PDE6B: variants seen among roughly 807,000 people sequenced by gnomAD.
PDE6B encodes the protein rod cGMP-specific 3',5'-cyclic phosphodiesterase subunit beta.
A neutral mutation model predicts 109.0 loss-of-function variants in PDE6B; 106 were observed. The ratio of observed to expected loss-of-function variants is 0.97; its 90% CI spans 0.83 to 1.14. The LOEUF (loss-of-function observed/expected upper bound fraction) is 1.14. PDE6B is among the 50% of genes most tolerant of loss of function. The pLI, the probability that PDE6B is intolerant of heterozygous loss-of-function variation, is 0.00. For missense variants in PDE6B, 1,193 were observed against 1,155.6 expected (o/e 1.03, Z -0.47); for synonymous variants, 490 against 471.3 (o/e 1.04, Z -0.51).
intron 10 of PDE6B, 40 bp from the exon 11 acceptor site, chr4:658,912 G>T: frequency 6.7e-7 from 1 of 1,497,122 alleles, no homozygotes. Flanking sequence ...TGTCCCACAT[G>T]CGAAGCTCTT....
chr4:625,664 A>G lies in PDE6B; in HGVS notation c.38A>G (p.Asp13Gly), dbSNP rs1734050687. The G allele has an allele frequency of 1.9e-6, 3 of 1,613,762 alleles. No homozygotes were observed. Among genetic ancestry groups the G allele is most frequent in the Non-Finnish European group, 2.5e-6 (3 of 1,179,952 alleles). Residue 13 changes from aspartate to glycine, a missense_variant, in exon 1 of 22, where the codon GAC (aspartate) becomes GGC (glycine). By Grantham distance (94) the Asp-to-Gly change is moderately conservative (BLOSUM62 -1). Coordinates refer to ENST00000496514, the MANE Select transcript of PDE6B (RefSeq NM_000283.4). The surrounding 1 kb of genome is among the most constrained non-coding windows in gnomAD (Gnocchi z 5.0). Reference protein sequence around the residue: ...LSEEQARSFLDQNPDFARQYF... With the variant: ...LSEEQARSFLGQNPDFARQYF... ...GAGGAGCAGGCCCGGAGCTTTCTGG[A>G]CCAGAACCCCGATTTTGCCCGCCAG...
chr4:663,606 C>A lies in PDE6B; in HGVS notation c.1921-164C>A, dbSNP rs1452489598. The A allele has an allele frequency of 1.5e-6, 1 of 666,736 alleles. No homozygotes were observed. The highest frequency in any genetic ancestry group is 2.7e-6 in the Non-Finnish European group (1 of 366,382). The allele number at this position is 666,736 out of a possible 1,614,324, so 41.3% of individuals were successfully genotyped here. On this transcript the variant is annotated intron_variant, in intron 15 of 21. Coordinates refer to ENST00000496514, the MANE Select transcript of PDE6B (RefSeq NM_000283.4). This position sits in a 1 kb window ranked among gnomAD's most constrained non-coding sequence, Gnocchi z 4.0. Reference sequence around the variant, plus strand: ...AGCCGCTGGTGGAGAGCTGGGCACCCTGAGGAGGGCCCTGAGCAGCAGGCG... The same window carrying A: ...AGCCGCTGGTGGAGAGCTGGGCACCATGAGGAGGGCCCTGAGCAGCAGGCG...
rs1737954788 is a variant in PDE6B at position 667,712 on chromosome 4, G to T, written c.2353-144G>T. On this transcript the variant is annotated intron_variant, in intron 20 of 21. Transcript: ENST00000496514. ...GAGGTTTCTCCCTTCACAGGGCTCT[G>T]CTGGGAAGGTGCCCCCTCCGTGGCG... 4.8e-6 allele frequency: 4 copies of T among 833,484 alleles called. No homozygotes were observed. In the Admixed American group the frequency reaches 7.0e-5, roughly 14 times the overall value. The allele number at this position is 833,484 out of a possible 1,614,324, so 51.6% of individuals were successfully genotyped here. A position where few individuals can be genotyped will look rare whatever the true frequency, so the allele number is the denominator to read the frequency against.
rs949552556 is a variant in PDE6B, at chr4:626,439, C to T, written c.468+345C>T. On this transcript the variant is annotated intron_variant, in intron 1 of 21. Coordinates refer to ENST00000496514, the MANE Select transcript of PDE6B (RefSeq NM_000283.4). This position sits in a 1 kb window ranked among gnomAD's most constrained non-coding sequence, Gnocchi z 4.6. The stretch of plus-strand genomic sequence containing the variant: ...GGGACCATGTAGTCCCTGTGAGGAC[C>T]CCTGGCTTCCAGGAAGACTGACCAG... Among the ~76,000 whole-genome samples, 5 of 152,172 alleles carry T rather than the reference C, an allele frequency of 3.3e-5. No homozygotes were observed. Among genetic ancestry groups the T allele is most frequent in the African/African-American group, 1.2e-4 (5 of 41,446 alleles).
chr4:625,892 C>T lies in PDE6B; in HGVS notation c.266C>T (p.Ala89Val), dbSNP rs1378894607. The T allele has an allele frequency of 1.2e-6, 2 of 1,604,062 alleles. No homozygotes were observed. Among genetic ancestry groups the T allele is most frequent in the South Asian group, 1.1e-5 (1 of 89,924 alleles). The change falls in exon 1 of 22, where the codon GCC becomes GTC. Residue 89 changes from alanine to valine, a missense_variant. Ala to Val is a moderately conservative substitution (Grantham distance 64). Coordinates refer to ENST00000496514, the MANE Select transcript of PDE6B (RefSeq NM_000283.4). This position sits in a 1 kb window ranked among gnomAD's most constrained non-coding sequence, Gnocchi z 5.0. ...CGGCGCCTCTGCACCCTCCTGCAGG[C>T]CGACCGCTGCAGCCTCTTCATGTAC... ...VLRRLCTLLQ[A>V]DRCSLFMYRQ...
intron 3 of PDE6B, 185 bp from the exon 4 acceptor site, chr4:653,667 A>T: frequency 1.4e-6 from 1 of 712,772 alleles, no homozygotes; most frequent in Non-Finnish European, 2.4e-6. Context: ...CCCGGGCCCC[A>T]CAAGCTCAGA....
chr4:627,760 A>G (rs1577236688), intron 1 of PDE6B, among the ~76,000 whole-genome samples: 1 of 150,146 alleles, frequency 6.7e-6, no homozygotes, highest in Non-Finnish European at 1.5e-5. Flanking sequence ...ACAATCCCCA[A>G]GACAACTTCT....
intron 8 of PDE6B, among the ~76,000 whole-genome samples, 188 bp downstream of exon 8, chr4:656,480 C>T (rs868645578): frequency 6.6e-6 from 1 of 152,052 alleles, no homozygotes. Flanking sequence ...GTGACCACAG[C>T]CCCCACACAC....
chr4:632,012 G>T (rs1002966980), intron 1 of PDE6B, among the ~76,000 whole-genome samples: 1 of 151,166 alleles, frequency 6.6e-6, no homozygotes, highest in East Asian at 2.0e-4. Context: ...CCATCTGAGG[G>T]TCATGTTGTG....
chr4:627,924 G>A lies in PDE6B; in HGVS notation c.468+1830G>A, dbSNP rs915827801. 2.6e-5 allele frequency among the ~76,000 whole-genome samples: 4 copies of A among 151,966 alleles called. No individual in the cohort carries two copies. In the East Asian group the frequency reaches 7.8e-4, roughly 30 times the overall value. On this transcript the variant is annotated intron_variant, in intron 1 of 21. Coordinates refer to ENST00000496514, the MANE Select transcript of PDE6B (RefSeq NM_000283.4). The stretch of plus-strand genomic sequence containing the variant: ...CCCCTCAAACTGCTGGGCTGTCCTA[G>A]GTCCGTCCCTCGGCCTGGCCTGTTC...
Position 658,207 on chromosome 4 carries a change from G to C in PDE6B, c.1401+713G>C, listed in dbSNP as rs558024430. 1.3e-3 allele frequency among the ~76,000 whole-genome samples: 180 copies of C among 140,490 alleles called. 1 individual carries two copies. Among genetic ancestry groups the C allele is most frequent in the African/African-American group, 4.7e-3 (176 of 37,248 alleles). 92.2% of individuals were successfully genotyped at this position (140,490 alleles called of 152,430 possible). A position where few individuals can be genotyped will look rare whatever the true frequency, so the allele number is the denominator to read the frequency against. The stretch of plus-strand genomic sequence containing the variant: ...GCAAGTCGCCAGGGGTCACGGCTGT[G>C]TGGCGGGGGCAGGTCACCCAGGGGT... On this transcript the variant is annotated intron_variant, in intron 10 of 21. Transcript: ENST00000496514.
intron 9 of PDE6B, 32 bp downstream of exon 9, chr4:657,055 G>A (rs747362179): frequency 1.9e-6 from 3 of 1,609,020 alleles, no homozygotes; most frequent in East Asian, 4.5e-5. Flanking sequence ...GTTCCGCCGG[G>A]GATGCCCTGC....
rs1215002861 is a variant in PDE6B at position 668,007 on chromosome 4, G to T, written c.2503+1G>T. 9 of 1,611,166 alleles carry T rather than the reference G, an allele frequency of 5.6e-6. No individual in the cohort carries two copies. The highest frequency in any genetic ancestry group is 6.8e-6 in the Non-Finnish European group (8 of 1,179,238). On this transcript the variant is annotated splice_donor_variant, in intron 21 of 21. Coordinates refer to ENST00000496514, the MANE Select transcript of PDE6B (RefSeq NM_000283.4). LOFTEE classifies it high-confidence loss of function. ...GAGGAGAGGGTGGCAGCCAAGAAAG[G>T]TCTGGCTCTGTGTGGCCTGTGGGGC...
chr4:650,063 C>T (rs905417764), intron 3 of PDE6B, among the ~76,000 whole-genome samples: 22 of 152,158 alleles, frequency 1.4e-4, no homozygotes, highest in African/African-American at 5.3e-4. Flanking sequence ...CCAGGCTGCT[C>T]GAACCATCCC....
intron 10 of PDE6B, among the ~76,000 whole-genome samples, chr4:658,123 CA>C (rs1401957759): frequency 7.4e-6 from 1 of 135,314 alleles, no homozygotes; most frequent in Non-Finnish European, 1.5e-5. Context: ...GGCAGGTCAC[CA>C]GGGGTCACAG....
chr4:666,895 T>G lies in PDE6B; in HGVS notation c.2352+281T>G, dbSNP rs1737863711. 6.6e-6 allele frequency among the ~76,000 whole-genome samples: 1 copy of G among 152,242 alleles called. No individual in the cohort carries two copies. The highest frequency in any genetic ancestry group is 2.1e-4 in the South Asian group (1 of 4,834). On this transcript the variant is annotated intron_variant, in intron 20 of 21. Transcript: ENST00000496514. This position sits in a 1 kb window ranked among gnomAD's most constrained non-coding sequence, Gnocchi z 5.6. Reference sequence around the variant, plus strand: ...AATGTCCTCTGCTAGCCTCCAGGCCTACCCCAGAAGTTCTCCCTCAGTGCC... The same window carrying G: ...AATGTCCTCTGCTAGCCTCCAGGCCGACCCCAGAAGTTCTCCCTCAGTGCC...
At chr4:635,494 C>T (rs949162356) in intron 2 of PDE6B, among the ~76,000 whole-genome samples, 37 of 113,066 alleles carry the variant, frequency 3.3e-4, no homozygotes, top group African/African-American at 1.3e-3. Context: ...CCTGCCTGCC[C>T]GTGTGTTCTG....
intron 10 of PDE6B, among the ~76,000 whole-genome samples, chr4:658,751 C>T (rs1252208408): frequency 6.6e-6 from 1 of 152,140 alleles, no homozygotes. Context: ...AAGGCAGTGC[C>T]CGAGAGAGGA....
At chr4:669,376 T>C (rs1365608264) in intron 21 of PDE6B, among the ~76,000 whole-genome samples, 35 of 95,540 alleles carry the variant, frequency 3.7e-4, no homozygotes, top group Middle Eastern at 8.8e-3. Context: ...CCCATGCTAT[T>C]CCCCTACCCC....
Sources: allele counts gnomAD v4.1 joint callset (sites outside exome capture counted in the v4.1 genomes callset), GRCh38; gene constraint gnomAD v4.1.1; non-coding constraint Gnocchi (gnomAD v3.1); transcripts MANE v1.5; gene names NCBI Gene and HGNC (gene_info 2026-07-23, HGNC 2026-07-21).